Variants in ABCA4 observed in about 807,000 individuals in gnomAD.
ABCA4 encodes ATP binding cassette subfamily A member 4.
A neutral mutation model predicts 263.7 loss-of-function variants in ABCA4; 196 were observed. That is an observed-to-expected ratio of 0.74 (90% confidence interval 0.66 to 0.84). ABCA4 has a LOEUF of 0.84. Among genes scored for constraint, ABCA4 ranks in the 40% least tolerant of loss-of-function variants. The probability of loss-of-function intolerance (pLI) is 0.00; values close to 1 mark genes in which losing one functional copy is unlikely to be tolerated. For synonymous variants in ABCA4, 1,133 were observed against 1,094.2 expected (o/e 1.04, Z -0.70); for missense variants, 2,792 against 2,855.1 (o/e 0.98, Z 0.50).
intron 6 of ABCA4, among the ~76,000 whole-genome samples, chr1:94,095,474 T>A (rs1040814606): frequency 3.9e-5 from 6 of 152,176 alleles, no homozygotes; most frequent in African/African-American, 1.4e-4. Flanking sequence ...TACGTGCGTA[T>A]GAGAAACAGC....
intron 16 of ABCA4, among the ~76,000 whole-genome samples, chr1:94,054,577 G>T (rs1660920513): frequency 6.6e-6 from 1 of 152,194 alleles, no homozygotes. Flanking sequence ...ACAGCAGGTG[G>T]AAAGGCCCTG....
Position 94,042,085 on chromosome 1 carries a change from C to G in ABCA4, c.3328+676G>C, listed in dbSNP as rs1159271359. 2.7e-5 allele frequency among the ~76,000 whole-genome samples: 3 copies of G among 110,790 alleles called. No individual in the cohort carries two copies. In the East Asian group the frequency reaches 8.1e-4, roughly 30 times the overall value. The allele number at this position is 110,790 out of a possible 152,430, so 72.7% of individuals were successfully genotyped here. ...CTGCACTCCAGCCTGCGCGACAGAG[C>G]GAGATTCTGTCTCAAAAAAAAAAAA... On this transcript the variant is annotated intron_variant, in intron 22 of 49. Transcript: ENST00000370225.
rs1368951863 is a variant in ABCA4, at chr1:94,056,832, A to G, written c.2161-10T>C. On this transcript the variant is annotated splice_polypyrimidine_tract_variant and intron_variant, in intron 14 of 49. Coordinates refer to ENST00000370225, the MANE Select transcript of ABCA4 (RefSeq NM_000350.3). ...GTAGGATTCTTCCATGCTGAAACCA[A>G]GAGGCCATGCGTCAGTAACTCCTGC... 1.3e-6 allele frequency: 2 copies of G among 1,586,704 alleles called. No individual in the cohort carries two copies. Among genetic ancestry groups the G allele is most frequent in the African/African-American group, 2.7e-5 (2 of 74,154 alleles).
At chr1:94,032,885 C>G (rs1660243766) in intron 26 of ABCA4, among the ~76,000 whole-genome samples, 1 of 152,136 alleles carries the variant, frequency 6.6e-6, no homozygotes, top group Non-Finnish European at 1.5e-5. Context: ...GAGACTTTAG[C>G]CTTTTGTGTA....
rs759598051 is a variant in ABCA4 at position 94,036,769 on chromosome 1, T to C, written c.3833A>G (p.Glu1278Gly). The change falls in exon 26 of 50, where the codon GAG becomes GGG. Residue 1278 changes from glutamate to glycine, a missense_variant. Transcript: ENST00000370225. ...AAACAGAGGTCCTGAATCAGAATCC[T>C]CCGTGACCTTCAGAAAAATCTGTCA... The part of the protein sequence containing the change: ...PLEEIFLKVT[E>G]DSDSGPLFAG... The C allele has an allele frequency of 2.5e-6, 4 of 1,614,164 alleles. No homozygotes were observed. The highest frequency in any genetic ancestry group is 3.4e-6 in the Non-Finnish European group (4 of 1,180,014).
intron 41 of ABCA4, 84 bp downstream of exon 41, chr1:94,008,667 C>G: frequency 6.3e-7 from 1 of 1,592,792 alleles, no homozygotes; most frequent in Non-Finnish European, 8.6e-7. Context: ...ATAAGCATAT[C>G]AATTGTTCTA....
At chr1:94,095,940 C>G (rs961582935) in intron 6 of ABCA4, among the ~76,000 whole-genome samples, 17 of 151,954 alleles carry the variant, frequency 1.1e-4, no homozygotes, top group African/African-American at 4.1e-4. Flanking sequence ...CCGACTACGG[C>G]AGAGCTTTCT....
intron 36 of ABCA4, 108 bp downstream of exon 36, chr1:94,019,474 C>T: frequency 7.6e-7 from 1 of 1,310,932 alleles, no homozygotes; most frequent in Non-Finnish European, 1.1e-6. Context: ...CTTTCAGCAG[C>T]CCTGGCACCG....
At chr1:93,995,542 C>T (rs1460533483) in intron 49 of ABCA4, among the ~76,000 whole-genome samples, 1 of 152,186 alleles carries the variant, frequency 6.6e-6, no homozygotes, top group East Asian at 1.9e-4. Flanking sequence ...CAAGAGTTAT[C>T]ACAAGCCAGG....
chr1:94,004,549 G>A (rs993679650), intron 44 of ABCA4, among the ~76,000 whole-genome samples: 9 of 152,158 alleles, frequency 5.9e-5, no homozygotes, highest in Admixed American at 1.3e-4. Flanking sequence ...GCAGTTGTTT[G>A]TGTTAGCTCT....
intron 11 of ABCA4, among the ~76,000 whole-genome samples, chr1:94,075,582 G>A (rs1366437998): frequency 6.6e-6 from 1 of 152,154 alleles, no homozygotes; most frequent in Non-Finnish European, 1.5e-5. Flanking sequence ...AGAGCACCAG[G>A]TGACAGATAG....
Position 94,031,992 on chromosome 1 carries a change from C to T in ABCA4, c.3914G>A (p.Gly1305Asp), listed in dbSNP as rs750473426. ...TGTCTGTCCAGCCTTCTCTCTGGGA[C>T]CCAAGCAGGGGTGTCGGGGGTTGAC... ...ENVNPRHPCL[G>D]PREKAGQTPQ... The change falls in exon 27 of 50, where the codon GGT (glycine) becomes GAT (aspartate). Residue 1305 changes from glycine to aspartate, a missense_variant. Gly to Asp is a moderately conservative substitution (Grantham distance 94, BLOSUM62 -1). Coordinates refer to ENST00000370225, the MANE Select transcript of ABCA4 (RefSeq NM_000350.3). The T allele has an allele frequency of 3.1e-6, 5 of 1,613,748 alleles. No homozygotes were observed. Among genetic ancestry groups the T allele is most frequent in the African/African-American group, 1.3e-5 (1 of 74,872 alleles).
Position 94,042,986 on chromosome 1 carries a change from C to CT in ABCA4, c.3191-89dup, listed in dbSNP as rs1052409136. 4 of 1,563,060 alleles carry CT rather than the reference C, an allele frequency of 2.6e-6. No homozygotes were observed. In the African/African-American group the frequency reaches 5.4e-5, roughly 21 times the overall value. ...AGGGCAAGTGGCATTGTGGGGGTACCTTAACCCAGCAGTGGTTTGGTGCTG... is the reference window on the plus strand; with the variant it reads ...AGGGCAAGTGGCATTGTGGGGGTACCTTTAACCCAGCAGTGGTTTGGTGCTG... On this transcript the variant is annotated intron_variant, in intron 21 of 49. Coordinates refer to ENST00000370225, the MANE Select transcript of ABCA4 (RefSeq NM_000350.3).
At chr1:94,106,734 C>T (rs759411451) in intron 4 of ABCA4, among the ~76,000 whole-genome samples, 14 of 152,208 alleles carry the variant, frequency 9.2e-5, no homozygotes, top group East Asian at 1.9e-4. Context: ...TCTGGTCATA[C>T]GCCTGTCCTT....
chr1:94,095,426 C>A (rs1048570115), intron 6 of ABCA4, among the ~76,000 whole-genome samples: 6 of 152,288 alleles, frequency 3.9e-5, no homozygotes, highest in African/African-American at 1.2e-4. Context: ...AATGAGAACT[C>A]ATTTGGCATT....
rs144887930 is a variant in ABCA4 at position 94,081,604 on chromosome 1, G to C, written c.859-886C>G. Among the ~76,000 whole-genome samples the C allele has an allele frequency of 8.9e-3, 1,352 of 152,006 alleles. 21 individuals carry two copies. Among genetic ancestry groups the C allele is most frequent in the African/African-American group, 0.031 (1,282 of 41,500 alleles). ...TTGTGGTTTTCTCGTGTGTGTGTGC[G>C]TGTGTGTGTGCACGCCTGTGTGTGT... is the stretch of plus-strand genomic sequence containing the variant. On this transcript the variant is annotated intron_variant, in intron 7 of 49. Transcript: ENST00000370225.
intron 6 of ABCA4, among the ~76,000 whole-genome samples, chr1:94,084,976 A>AT (rs1661793423): frequency 2.0e-5 from 3 of 152,318 alleles, no homozygotes; most frequent in African/African-American, 7.2e-5. Context: ...AGATTATTAG[A>AT]GATGAAAAGA....
At chr1:94,011,893 C>T (rs1659556274) in intron 38 of ABCA4, among the ~76,000 whole-genome samples, 1 of 152,188 alleles carries the variant, frequency 6.6e-6, no homozygotes, top group African/African-American at 2.4e-5. Context: ...CAGGAGCCCT[C>T]AAGGCATTTG....
At chr1:94,034,330 C>T (rs1048114147) in intron 26 of ABCA4, among the ~76,000 whole-genome samples, 1 of 152,088 alleles carries the variant, frequency 6.6e-6, no homozygotes. Flanking sequence ...CTTCTTCTTC[C>T]CGATGCTAGC....
Sources: allele counts gnomAD v4.1 joint callset (sites outside exome capture counted in the v4.1 genomes callset), GRCh38; gene constraint gnomAD v4.1.1; transcripts MANE v1.5; gene names NCBI Gene and HGNC (gene_info 2026-07-23, HGNC 2026-07-21).